The following PARN variants were observed in gnomAD, a reference collection of about 807,000 sequenced individuals.
The protein encoded by PARN is poly(A)-specific ribonuclease.
Under a neutral mutation model 102.8 loss-of-function variants are expected in PARN, and 71 were observed. The observed-to-expected ratio is 0.69, with a 90% CI of 0.57 to 0.84. PARN has a LOEUF of 0.84. Among genes scored for constraint, PARN ranks in the 40% least tolerant of loss-of-function variants. The pLI is 0.00. For synonymous variants in PARN, 261 were observed against 252.9 expected (o/e 1.03, Z -0.30); for missense variants, 782 against 760.9 (o/e 1.03, Z -0.33).
At position 14,481,880 on chromosome 16, in the gene PARN, G is replaced by T. The variant is rs141210062; in HGVS notation, c.1670+758C>A. Among the ~76,000 whole-genome samples, 37 of 152,266 alleles carry T rather than the reference G, an allele frequency of 2.4e-4. 1 individual carries two copies. The East Asian group carries it at 7.1e-3, about 29-fold the overall frequency. On this transcript the variant is annotated intron_variant, in intron 22 of 23. Coordinates refer to ENST00000437198, the MANE Select transcript of PARN (RefSeq NM_002582.4). ...GCCAGCATTTATCTTCTGCAGGGAG[G>T]ATTATGGGTGATAAAAGGAAGTGTG...
At chr16:14,594,831 A>G (rs1485189002) in intron 12 of PARN, among the ~76,000 whole-genome samples, 1 of 152,156 alleles carries the variant, frequency 6.6e-6, no homozygotes, top group East Asian at 1.9e-4. Flanking sequence ...CCTACACAAA[A>G]TCTCCCAAAT....
intron 18 of PARN, 69 bp downstream of exon 18, chr16:14,580,805 T>G: frequency 1.2e-6 from 1 of 864,260 alleles, no homozygotes; most frequent in South Asian, 1.6e-5. Context: ...AACTCCAAAC[T>G]GACATCCCAA....
intron 18 of PARN, among the ~76,000 whole-genome samples, chr16:14,557,359 C>A (rs1054428003): frequency 6.6e-6 from 1 of 151,656 alleles, no homozygotes; most frequent in African/African-American, 2.4e-5. Flanking sequence ...AAGTTCAAGA[C>A]CAGCCTGGCC....
chr16:14,582,541 G>A (rs966008860), intron 16 of PARN, among the ~76,000 whole-genome samples: 32 of 151,974 alleles, frequency 2.1e-4, no homozygotes, highest in Non-Finnish European at 3.2e-4. Flanking sequence ...GGGCTTTCTC[G>A]TCCCACACTG....
intron 18 of PARN, among the ~76,000 whole-genome samples, chr16:14,567,302 T>G (rs117876080): frequency 8.5e-5 from 13 of 152,334 alleles, no homozygotes; most frequent in Non-Finnish European, 1.6e-4. Flanking sequence ...TTGAAGCATC[T>G]GCAGTGCTAA....
At chr16:14,597,571 C>A (rs1225697360) in intron 12 of PARN, among the ~76,000 whole-genome samples, 3 of 152,134 alleles carry the variant, frequency 2.0e-5, no homozygotes, top group Admixed American at 2.0e-4. Context: ...GTGGCAGGCG[C>A]CTGTAGTCCC....
chr16:14,466,857 CTTCCGGCT>C, intron 22 of PARN, among the ~76,000 whole-genome samples: 1 of 152,242 alleles, frequency 6.6e-6, no homozygotes, highest in South Asian at 2.1e-4. Flanking sequence ...TTTTTGGTTC[CTTCCGGCT>C]TTCCTATAAA....
Position 14,519,429 on chromosome 16 carries a change from G to A in PARN, c.1480+32592C>T, listed in dbSNP as rs151107754. On this transcript the variant is annotated intron_variant, in intron 21 of 23. Coordinates refer to ENST00000437198, the MANE Select transcript of PARN (RefSeq NM_002582.4). ...GAAACAATAACCAACCCAGTACAAT[G>A]AGCACTCTAGCACCCAGAATGAGGT... Among the ~76,000 whole-genome samples, 3 of 152,020 alleles carry A rather than the reference G, an allele frequency of 2.0e-5. 1 individual carries two copies. The East Asian group carries it at 5.8e-4, about 30-fold the overall frequency.
intron 13 of PARN, among the ~76,000 whole-genome samples, chr16:14,589,694 C>T (rs902620885): frequency 6.6e-6 from 1 of 151,864 alleles, no homozygotes; most frequent in East Asian, 1.9e-4. Flanking sequence ...GGCGAAATCC[C>T]GTCTCTACTA....
At chr16:14,584,512 G>A (rs904399692) in intron 15 of PARN, 90 bp from the exon 16 acceptor site, 2 of 1,053,442 alleles carry the variant, frequency 1.9e-6, no homozygotes, top group Non-Finnish European at 2.9e-6. Context: ...AAAAAAGACA[G>A]CATCTAGTAC....
intron 21 of PARN, among the ~76,000 whole-genome samples, chr16:14,494,643 G>A (rs1255988174): frequency 1.3e-5 from 2 of 152,242 alleles, no homozygotes; most frequent in Non-Finnish European, 2.9e-5. Context: ...AGGGCCGGCG[G>A]TGCAGCCGGA....
At chr16:14,523,240 C>G (rs924661808) in intron 21 of PARN, among the ~76,000 whole-genome samples, 1 of 151,916 alleles carries the variant, frequency 6.6e-6, no homozygotes, top group Admixed American at 6.6e-5. Flanking sequence ...CACACACACA[C>G]ACACACACAC....
chr16:14,510,807 T>C (rs1965147638), intron 21 of PARN, among the ~76,000 whole-genome samples: 1 of 152,194 alleles, frequency 6.6e-6, no homozygotes, highest in South Asian at 2.1e-4. Flanking sequence ...ATGCAGGCAA[T>C]GCTTATCACC....
At chr16:14,582,023 T>G (rs1047270348) in intron 17 of PARN, among the ~76,000 whole-genome samples, 158 bp downstream of exon 17, 2 of 152,230 alleles carry the variant, frequency 1.3e-5, no homozygotes, top group African/African-American at 4.8e-5. Context: ...TGCTGGCAAC[T>G]GGGTCTTGGA....
chr16:14,592,019 A>G (rs1156920528), intron 13 of PARN: 2 of 152,086 alleles, frequency 1.3e-5, no homozygotes, highest in African/African-American at 4.8e-5. Context: ...GCCTGGTGAA[A>G]GAGTGAGACT....
At chr16:14,580,593 A>T (rs1474869070) in intron 18 of PARN, among the ~76,000 whole-genome samples, 1 of 151,962 alleles carries the variant, frequency 6.6e-6, no homozygotes, top group African/African-American at 2.4e-5. Flanking sequence ...GGCCCCTCAT[A>T]GGAAATTTAA....
In PARN at chr16:14,451,703, T is replaced by G. The variant is rs777770113; in HGVS notation, c.1671-4622A>C. On this transcript the variant is annotated intron_variant, in intron 22 of 23. Transcript: ENST00000437198. The stretch of plus-strand genomic sequence containing the variant: ...AATTCCCTGTGTCTTTATAGGAGTA[T>G]AGTTTTGTCAAAACTTCTATCTTGG... Among the ~76,000 whole-genome samples, 108 of 151,746 alleles carry G rather than the reference T, an allele frequency of 7.1e-4. 1 individual carries two copies. The highest frequency in any genetic ancestry group is 3.1e-4 in the Non-Finnish European group (21 of 67,952).
chr16:14,559,001 C>CA (rs1967878195), intron 18 of PARN, among the ~76,000 whole-genome samples: 1 of 152,074 alleles, frequency 6.6e-6, no homozygotes, highest in South Asian at 2.1e-4. Context: ...TGCACTACCT[C>CA]ACCTGGCTGG....
intron 12 of PARN, among the ~76,000 whole-genome samples, chr16:14,599,077 C>T (rs1970723225): frequency 8.9e-6 from 1 of 111,780 alleles, no homozygotes; most frequent in Non-Finnish European, 1.7e-5. Context: ...CAGGGTCTGT[C>T]TGTCACCCAG....
Sources: allele counts gnomAD v4.1 joint callset (sites outside exome capture counted in the v4.1 genomes callset), GRCh38; gene constraint gnomAD v4.1.1; transcripts MANE v1.5; gene names NCBI Gene and HGNC (gene_info 2026-07-23, HGNC 2026-07-21).